Variants in CCDC170 observed in about 807,000 individuals in gnomAD.
CCDC170 encodes coiled-coil domain containing 170, also known as coiled-coil domain-containing protein 170.
In CCDC170, 69 loss-of-function variants were observed where a neutral mutation model predicts 72.6. The ratio of observed to expected loss-of-function variants is 0.95; its 90% confidence interval spans 0.78 to 1.16. The LOEUF (loss-of-function observed/expected upper bound fraction) is 1.16, where lower values mean the gene tolerates loss of function less well. CCDC170 is among the 50% of genes most tolerant of loss of function. CCDC170 has a pLI of 0.00. For synonymous variants in CCDC170, 300 were observed against 303.9 expected (o/e 0.99, Z 0.13); for missense variants, 852 against 832.5 (o/e 1.02, Z -0.29).
intron 6 of CCDC170, among the ~76,000 whole-genome samples, chr6:151,578,812 G>T (rs1396543302): frequency 6.6e-6 from 1 of 152,172 alleles, no homozygotes; most frequent in Non-Finnish European, 1.5e-5. Context: ...AATTGGAAAA[G>T]AGTTTATGTC....
At chr6:151,525,123 A>G (rs775764768) in intron 1 of CCDC170, among the ~76,000 whole-genome samples, 42 of 152,028 alleles carry the variant, frequency 2.8e-4, no homozygotes, top group South Asian at 6.2e-4. Context: ...TAGTAGAGAC[A>G]GGGTTTCACT....
Position 151,573,503 on chromosome 6 carries a change from A to G in CCDC170, c.1092+12A>G. ...AAAGCAGGGACCGGGTGAGTGGGTC[A>G]TGGCTGTTTACAGACATCTTAAGAA... On this transcript the variant is annotated intron_variant, in intron 6 of 10. Coordinates refer to ENST00000239374, the MANE Select transcript of CCDC170 (RefSeq NM_025059.4). 2 of 1,608,546 alleles carry G rather than the reference A, an allele frequency of 1.2e-6. No individual in the cohort carries two copies. The highest frequency in any genetic ancestry group is 1.7e-6 in the Non-Finnish European group (2 of 1,176,796).
chr6:151,541,886 A>ACATTT (rs1554221613), intron 3 of CCDC170, among the ~76,000 whole-genome samples: 1 of 137,156 alleles, frequency 7.3e-6, no homozygotes, highest in Non-Finnish European at 1.5e-5. Context: ...ATATATATAT[A>ACATTT]TTTTTTTTTT....
At chr6:151,518,177 T>C (rs1237156337) in intron 1 of CCDC170, among the ~76,000 whole-genome samples, 1 of 152,146 alleles carries the variant, frequency 6.6e-6, no homozygotes, top group East Asian at 1.9e-4. Flanking sequence ...TATACATCCA[T>C]GTTTTTTAGT....
chr6:151,571,899 A>G (rs979017514), intron 5 of CCDC170, among the ~76,000 whole-genome samples: 1 of 152,308 alleles, frequency 6.6e-6, no homozygotes, highest in South Asian at 2.1e-4. Flanking sequence ...TGTGTCACCA[A>G]GTCTGGAGTG....
intron 5 of CCDC170, among the ~76,000 whole-genome samples, chr6:151,561,431 C>G (rs79439443): frequency 0.019 from 2,818 of 152,066 alleles, 100 homozygotes; most frequent in African/African-American, 0.064. Context: ...AATTCTCTTA[C>G]TGTTTGCTTG....
chr6:151,619,938 G>T lies in CCDC170; in HGVS notation c.*1791G>T, dbSNP rs888189129. 6.6e-6 allele frequency: 1 copy of T among 152,112 alleles called. No individual in the cohort carries two copies. The highest frequency in any genetic ancestry group is 2.1e-4 in the South Asian group (1 of 4,816). 9.4% of individuals were successfully genotyped at this position (152,112 alleles called of 1,614,324 possible). On this transcript the variant is annotated 3_prime_UTR_variant, in exon 11 of 11. Transcript: ENST00000239374. ...AATTGCAAGGGTCAAAACTAGATTG[G>T]ATCTTGGTTTGAATGAAAAAAAGCA...
chr6:151,560,509 C>A (rs947350298), intron 5 of CCDC170, among the ~76,000 whole-genome samples: 1 of 152,010 alleles, frequency 6.6e-6, no homozygotes, highest in African/African-American at 2.4e-5. Flanking sequence ...AAGTCCAGAC[C>A]TTCTTTGTTA....
In CCDC170 at chr6:151,518,381, A is replaced by T. The variant is rs954314817; in HGVS notation, c.58-17937A>T. Reference sequence around the variant, plus strand: ...GGGACGAGACTGTCAAGTCAATCAAATGTGAGGACTAAGATGTTAGTAAAA... The same window carrying T: ...GGGACGAGACTGTCAAGTCAATCAATTGTGAGGACTAAGATGTTAGTAAAA... On this transcript the variant is annotated intron_variant, in intron 1 of 10. Transcript: ENST00000239374. Among the ~76,000 whole-genome samples the T allele has an allele frequency of 7.9e-5, 12 of 152,166 alleles. 1 individual carries two copies. Among genetic ancestry groups the T allele is most frequent in the Admixed American group, 7.9e-4 (12 of 15,274 alleles).
At chr6:151,583,477 G>A (rs1776407761) in intron 6 of CCDC170, among the ~76,000 whole-genome samples, 1 of 151,484 alleles carries the variant, frequency 6.6e-6, no homozygotes, top group South Asian at 2.1e-4. Context: ...TTTTATTTGA[G>A]ATGGAAGTCT....
intron 1 of CCDC170, among the ~76,000 whole-genome samples, chr6:151,495,402 T>A (rs77600257): frequency 0.075 from 11,287 of 151,180 alleles, 520 homozygotes; most frequent in East Asian, 0.16. Context: ...TAATATATAT[T>A]TTTTTTGGTG....
chr6:151,605,867 G>A (rs62444311), intron 9 of CCDC170, among the ~76,000 whole-genome samples: 6 of 151,048 alleles, frequency 4.0e-5, no homozygotes, highest in African/African-American at 1.2e-4. Flanking sequence ...TTGGGGTTCC[G>A]GGGGACAGTG....
Position 151,513,067 on chromosome 6 carries a change from G to C in CCDC170, c.57+18882G>C, listed in dbSNP as rs144172850. 3.8e-3 allele frequency among the ~76,000 whole-genome samples: 582 copies of C among 152,262 alleles called. 2 individuals are homozygous for C. The highest frequency in any genetic ancestry group is 0.013 in the African/African-American group (559 of 41,544). Reference sequence around the variant, plus strand: ...CAACTTTCCTCATCCTAAGGAAACAGTCAGAATTCTAACAGATTTATAATA... The same window carrying C: ...CAACTTTCCTCATCCTAAGGAAACACTCAGAATTCTAACAGATTTATAATA... On this transcript the variant is annotated intron_variant, in intron 1 of 10. Transcript: ENST00000239374.
intron 5 of CCDC170, among the ~76,000 whole-genome samples, chr6:151,552,504 A>G (rs1782896246): frequency 6.6e-6 from 1 of 152,168 alleles, no homozygotes; most frequent in African/African-American, 2.4e-5. Flanking sequence ...AGTCTTCTCT[A>G]AAGAAAAGCT....
At chr6:151,497,592 T>C (rs544027508) in intron 1 of CCDC170, among the ~76,000 whole-genome samples, 49 of 151,998 alleles carry the variant, frequency 3.2e-4, no homozygotes, top group Non-Finnish European at 6.3e-4. Flanking sequence ...AGCCCAAACA[T>C]GAAGGAAAGA....
chr6:151,538,337 G>A (rs1212668859), intron 3 of CCDC170, 36 bp downstream of exon 3: 4 of 1,572,780 alleles, frequency 2.5e-6, no homozygotes, highest in Non-Finnish European at 3.5e-6. Context: ...GCTTTAGCTA[G>A]CATTAAAATA....
chr6:151,524,921 G>A (rs1782377163), intron 1 of CCDC170, among the ~76,000 whole-genome samples: 1 of 141,902 alleles, frequency 7.0e-6, no homozygotes, highest in Non-Finnish European at 1.5e-5. Flanking sequence ...AATGGATTTA[G>A]TCTGATTCTT....
chr6:151,519,926 G>A (rs114137400), intron 1 of CCDC170, among the ~76,000 whole-genome samples: 11,264 of 152,170 alleles, frequency 0.074, 510 homozygotes, highest in East Asian at 0.14. Flanking sequence ...CTTGATTTTG[G>A]TGGGTTTTGG....
At position 151,536,347 on chromosome 6, in the gene CCDC170, G is replaced by T; in HGVS notation, c.87G>T (p.Pro29=). The T allele has an allele frequency of 1.9e-6, 3 of 1,614,004 alleles. No individual in the cohort carries two copies. Among genetic ancestry groups the T allele is most frequent in the Non-Finnish European group, 2.5e-6 (3 of 1,179,904 alleles). The stretch of plus-strand genomic sequence containing the variant: ...CTTACGATCATCTTTCGGAAGTCCC[G>T]GTCACGCGGGAGCAGTTAAACCACT... The part of the protein sequence containing the change: ...EETYDHLSEV[P]VTREQLNHYR... Residue 29 remains proline (P), a synonymous_variant, in exon 2 of 11, where the codon CCG becomes CCT. Transcript: ENST00000239374.
Sources: gnomAD v4.1 joint callset for allele counts (sites outside exome capture counted in the v4.1 genomes callset) on GRCh38, gnomAD v4.1.1 for gene constraint, MANE v1.5 for transcripts, NCBI Gene and HGNC (gene_info 2026-07-23, HGNC 2026-07-21) for gene names.